Variants in QKI observed in about 807,000 individuals in gnomAD.
QKI encodes the protein QKI, KH domain containing RNA binding, also known as KH domain-containing RNA-binding protein QKI.
In QKI, 10 loss-of-function variants were observed where a neutral mutation model predicts 39.0. The observed-to-expected ratio is 0.26, with a 90% CI of 0.16 to 0.43. The LOEUF (loss-of-function observed/expected upper bound fraction) is 0.43. QKI is among the 20% of genes least tolerant of loss of function. The pLI, the probability that QKI is intolerant of heterozygous loss-of-function variation, is 1.00. For missense variants in QKI, 218 were observed against 428.0 expected (o/e 0.51, Z 4.33); for synonymous variants, 204 against 155.4 (o/e 1.31, Z -2.33).
At position 163,571,884 on chromosome 6, in the gene QKI, T is replaced by C. The variant is rs986284085; in HGVS notation, c.*1174T>C. The stretch of plus-strand genomic sequence containing the variant: ...GAAAGTGCCTTATTTTCCTTCATGG[T>C]CATTCAGTCAAGTGTCTCATAAAGA... On this transcript the variant is annotated 3_prime_UTR_variant, in exon 8 of 8. Coordinates refer to ENST00000361752, the MANE Select transcript of QKI (RefSeq NM_006775.3). The C allele has an allele frequency of 2.0e-5, 3 of 152,216 alleles. No individual in the cohort carries two copies. Among genetic ancestry groups the C allele is most frequent in the Non-Finnish European group, 2.9e-5 (2 of 68,032 alleles). The allele number at this position is 152,216 out of a possible 1,614,324, so 9.4% of individuals were successfully genotyped here.
intron 1 of QKI, among the ~76,000 whole-genome samples, chr6:163,421,585 AAAAG>A (rs928640137): frequency 6.6e-6 from 1 of 152,150 alleles, no homozygotes; most frequent in African/African-American, 2.4e-5. Context: ...ATTTTAGTTT[AAAAG>A]AAAGCTGAGT....
At chr6:163,470,126 A>G (rs938335800) in intron 2 of QKI, among the ~76,000 whole-genome samples, 1 of 152,190 alleles carries the variant, frequency 6.6e-6, no homozygotes, top group African/African-American at 2.4e-5. Context: ...GATCAAGGAT[A>G]TAACCGTGTT....
intron 3 of QKI, among the ~76,000 whole-genome samples, chr6:163,481,377 G>T (rs1793065700): frequency 6.6e-6 from 1 of 152,142 alleles, no homozygotes; most frequent in Non-Finnish European, 1.5e-5. Flanking sequence ...CCCTACACTG[G>T]TAAACTCAGT....
intron 4 of QKI, 24 bp from the exon 5 acceptor site, chr6:163,561,958 A>G: frequency 6.3e-7 from 1 of 1,590,306 alleles, no homozygotes; most frequent in Non-Finnish European, 8.6e-7. Context: ...AAATGCTTTC[A>G]TCTCATGTGT....
At chr6:163,564,543 G>A (rs758666365) in intron 6 of QKI, 69 of 1,543,306 alleles carry the variant, frequency 4.5e-5, no homozygotes, top group Middle Eastern at 1.8e-4. Flanking sequence ...TAAATAAATA[G>A]CAAATCACTG....
chr6:163,568,452 C>T (rs1462485262), intron 7 of QKI: 1 of 985,432 alleles, frequency 1.0e-6, no homozygotes, highest in Admixed American at 6.2e-5. Flanking sequence ...TTGATTAGTC[C>T]TGTCACTGTT....
intron 1 of QKI, among the ~76,000 whole-genome samples, chr6:163,423,926 C>T (rs925255040): frequency 6.6e-6 from 1 of 152,168 alleles, no homozygotes; most frequent in Admixed American, 6.5e-5. Flanking sequence ...AGTTTTAGAT[C>T]AGCCTGGGGT....
chr6:163,519,058 T>G (rs1164430689), intron 3 of QKI, among the ~76,000 whole-genome samples: 1 of 152,146 alleles, frequency 6.6e-6, no homozygotes, highest in Non-Finnish European at 1.5e-5. Flanking sequence ...CTGTTCAGTG[T>G]GAAGATCTGT....
intron 4 of QKI, among the ~76,000 whole-genome samples, chr6:163,554,040 A>G (rs117839382): frequency 0.021 from 3,233 of 152,256 alleles, 48 homozygotes; most frequent in Middle Eastern, 0.068. Flanking sequence ...CAGGGCTGGA[A>G]TAAAAGAGAA....
chr6:163,509,760 G>A (rs79457713), intron 3 of QKI, among the ~76,000 whole-genome samples: 3,458 of 151,960 alleles, frequency 0.023, 135 homozygotes, highest in African/African-American at 0.078. Context: ...TTCAAAGTCC[G>A]GAAGGGAAGC....
intron 3 of QKI, among the ~76,000 whole-genome samples, chr6:163,512,458 A>G (rs753383423): frequency 6.6e-6 from 1 of 152,114 alleles, no homozygotes; most frequent in East Asian, 1.9e-4. Context: ...AGAGATCATG[A>G]TCCTAAGTCT....
intron 3 of QKI, among the ~76,000 whole-genome samples, chr6:163,521,762 T>G (rs1312513491): frequency 3.9e-5 from 6 of 152,048 alleles, no homozygotes; most frequent in Admixed American, 3.9e-4. Context: ...CTCAAGTGAT[T>G]TGCCCACCTC....
intron 4 of QKI, among the ~76,000 whole-genome samples, 154 bp downstream of exon 4, chr6:163,535,279 A>C (rs575948220): frequency 6.6e-6 from 1 of 152,344 alleles, no homozygotes; most frequent in South Asian, 2.1e-4. Flanking sequence ...CTTCTAACAT[A>C]ATAAAAACAT....
intron 7 of QKI, chr6:163,569,484 G>C: frequency 7.8e-7 from 1 of 1,275,220 alleles, no homozygotes; most frequent in Non-Finnish European, 1.0e-6. Flanking sequence ...TCAGAATATA[G>C]TAGAAATAAT....
intron 2 of QKI, among the ~76,000 whole-genome samples, chr6:163,475,732 G>A (rs73244774): frequency 3.7e-4 from 56 of 152,252 alleles, no homozygotes; most frequent in African/African-American, 1.3e-3. Context: ...TCAATTCCTG[G>A]TACACTGTAG....
At chr6:163,488,329 CAA>C (rs1278631126) in intron 3 of QKI, among the ~76,000 whole-genome samples, 1 of 146,688 alleles carries the variant, frequency 6.8e-6, no homozygotes, top group Non-Finnish European at 1.5e-5. Context: ...CAAAAAGTGA[CAA>C]AAAAAAAGAG....
chr6:163,563,743 T>TAAC, intron 6 of QKI, 24 bp downstream of exon 6: 5 of 1,590,142 alleles, frequency 3.1e-6, no homozygotes, highest in Non-Finnish European at 4.3e-6. Flanking sequence ...CCCATGGGGT[T>TAAC]AACAACATTC....
chr6:163,519,533 GT>G (rs1282678048), intron 3 of QKI, among the ~76,000 whole-genome samples: 1 of 151,724 alleles, frequency 6.6e-6, no homozygotes. Flanking sequence ...CGTAAGACAA[GT>G]TACTTTTGCT....
At chr6:163,485,830 A>G (rs1777633405) in intron 3 of QKI, among the ~76,000 whole-genome samples, 1 of 152,240 alleles carries the variant, frequency 6.6e-6, no homozygotes. Context: ...AACAGTGGCT[A>G]GAGCAGGGGT....
Sources: allele counts gnomAD v4.1 joint callset (sites outside exome capture counted in the v4.1 genomes callset), GRCh38; gene constraint gnomAD v4.1.1; transcripts MANE v1.5; gene names NCBI Gene and HGNC (gene_info 2026-07-23, HGNC 2026-07-21).